Variants in SLC28A1 observed in about 807,000 individuals in gnomAD.
The protein encoded by SLC28A1 is solute carrier family 28 member 1, also known as sodium/nucleoside cotransporter 1.
Under a neutral mutation model 74.8 loss-of-function variants are expected in SLC28A1, and 64 were observed. The ratio of observed to expected loss-of-function variants is 0.86; its 90% CI spans 0.70 to 1.05. The LOEUF is 1.05. SLC28A1 is among the 50% of genes least tolerant of loss of function. The pLI, the probability that SLC28A1 is intolerant of heterozygous loss-of-function variation, is 0.00. For missense variants in SLC28A1, 828 were observed against 822.8 expected, an observed-to-expected ratio of 1.01 and a Z score of -0.08; for synonymous variants, 359 against 335.0, an observed-to-expected ratio of 1.07 and a Z score of -0.78.
rs375692167 is a variant in SLC28A1, at chr15:84,888,832, G to A, written c.157G>A (p.Glu53Lys). The change falls in exon 4 of 19, where the codon GAG (glutamate) becomes AAG (lysine). Residue 53 changes from glutamate (E) to lysine (K), a missense_variant. Glu to Lys is a moderately conservative substitution (Grantham distance 56). Coordinates refer to ENST00000394573, the MANE Select transcript of SLC28A1 (RefSeq NM_004213.5). Reference protein sequence around the residue: ...SPAEIRSSWSEAAPKPFSRWR... With the variant: ...SPAEIRSSWSKAAPKPFSRWR... The stretch of plus-strand genomic sequence containing the variant: ...CGCAGAGATCAGGAGCAGCTGGAGC[G>A]AGGCGGCGCCGAAGCCCTTCTCCAG... 7 of 1,553,730 alleles carry A rather than the reference G, an allele frequency of 4.5e-6. No homozygotes were observed. The highest frequency in any genetic ancestry group is 1.2e-5 in the South Asian group (1 of 84,156).
At chr15:84,970,852 A>T in the SLC28A1 span, among the ~76,000 whole-genome samples, 2 of 152,114 alleles carry the variant, frequency 1.3e-5, no homozygotes, top group East Asian at 3.9e-4. Context: ...AACAAAAACA[A>T]AAAACAAAAC....
intron 5 of SLC28A1, among the ~76,000 whole-genome samples, chr15:84,891,508 A>G (rs771022994): frequency 4.6e-5 from 7 of 152,226 alleles, no homozygotes; most frequent in Non-Finnish European, 1.0e-4. Flanking sequence ...GAGGCTCCCC[A>G]GGCACACTTG....
At chr15:84,910,374 T>G (rs1222358127) in intron 9 of SLC28A1, among the ~76,000 whole-genome samples, 1 of 152,184 alleles carries the variant, frequency 6.6e-6, no homozygotes, top group Non-Finnish European at 1.5e-5. Context: ...AAGGTCTGCT[T>G]CAGGGTGACC....
intron 16 of SLC28A1, 35 bp from the exon 17 acceptor site, chr15:84,944,531 C>T: frequency 6.8e-7 from 1 of 1,476,148 alleles, no homozygotes; most frequent in Non-Finnish European, 9.5e-7. Flanking sequence ...AGGGACACAG[C>T]TTCCCAGGCC....
chr15:84,894,372 CAA>C (rs11408601), intron 5 of SLC28A1, among the ~76,000 whole-genome samples: 11 of 134,276 alleles, frequency 8.2e-5, no homozygotes, highest in Admixed American at 1.5e-4. Flanking sequence ...ACCCTATCTC[CAA>C]AAAAAAAAAA....
chr15:84,892,583 C>G (rs967478828), intron 5 of SLC28A1, among the ~76,000 whole-genome samples: 2 of 152,268 alleles, frequency 1.3e-5, no homozygotes, highest in African/African-American at 4.8e-5. Context: ...TTGAATGATC[C>G]CTTGCAATGG....
the SLC28A1 span, among the ~76,000 whole-genome samples, chr15:84,957,347 AC>A: frequency 6.6e-6 from 1 of 152,166 alleles, no homozygotes; most frequent in Non-Finnish European, 1.5e-5. Flanking sequence ...ACTCACTGCA[AC>A]CTCTGCCTCC....
downstream of SLC28A1, among the ~76,000 whole-genome samples, chr15:84,946,353 C>T (rs2079230997): frequency 6.6e-6 from 1 of 151,802 alleles, no homozygotes; most frequent in African/African-American, 2.4e-5. Flanking sequence ...CTCTAGGCAA[C>T]TGTAATGTTA....
intron 7 of SLC28A1, 29 bp from the exon 8 acceptor site, chr15:84,905,510 A>G: frequency 6.7e-7 from 1 of 1,501,332 alleles, no homozygotes; most frequent in Non-Finnish European, 9.3e-7. Context: ...AAGGAACTGA[A>G]CTCAGCTTTC....
intron 12 of SLC28A1, among the ~76,000 whole-genome samples, chr15:84,926,711 G>C (rs111563411): frequency 0.012 from 1,667 of 143,518 alleles, 43 homozygotes; most frequent in African/African-American, 0.042. Flanking sequence ...GAGGTGGCCT[G>C]TATGTGCTGA....
At chr15:84,918,729 A>G (rs907393620) in intron 10 of SLC28A1, 125 bp downstream of exon 10, 1 of 784,642 alleles carries the variant, frequency 1.3e-6, no homozygotes. Flanking sequence ...CCAAGCCCAC[A>G]CCCTTCCAGA....
rs73437984 is a variant in SLC28A1, at chr15:84,886,547, C to T, written c.-132-125C>T. The T allele has an allele frequency of 3.7e-3, 3,661 of 985,548 alleles. 93 individuals carry two copies. The African/African-American group carries it at 0.052, about 14-fold the overall frequency. The allele number at this position is 985,548 out of a possible 1,614,324, so 61.1% of individuals were successfully genotyped here. On this transcript the variant is annotated intron_variant, in intron 1 of 18. Coordinates refer to ENST00000394573, the MANE Select transcript of SLC28A1 (RefSeq NM_004213.5). Reference sequence around the variant, plus strand: ...TGCAGGGAGCCAGGTTGCAAGTGGGCCTGCTTCCTGTATCCCTGAGACCGT... The same window carrying T: ...TGCAGGGAGCCAGGTTGCAAGTGGGTCTGCTTCCTGTATCCCTGAGACCGT...
the SLC28A1 span, among the ~76,000 whole-genome samples, chr15:84,954,491 C>A: frequency 1.3e-5 from 2 of 152,160 alleles, no homozygotes; most frequent in Admixed American, 6.5e-5. Flanking sequence ...TATTGTGAGA[C>A]AAGTTATTTG....
chr15:84,929,269 G>A (rs1253279838), intron 12 of SLC28A1, among the ~76,000 whole-genome samples: 1 of 152,082 alleles, frequency 6.6e-6, no homozygotes, highest in African/African-American at 2.4e-5. Flanking sequence ...CTATGGCCGG[G>A]CGCGGTGGCT....
intron 6 of SLC28A1, among the ~76,000 whole-genome samples, chr15:84,899,940 AAAGGAAGGAAGGAAGGAAGGAAGGAAAG>A (rs1966442282): frequency 7.3e-6 from 1 of 136,816 alleles, no homozygotes; most frequent in Non-Finnish European, 1.6e-5. Context: ...AGAAAGAAAG[AAAGGAAGGAAGGAAGGAAGGAAGGAAAG>A]AAGGAAGGAA....
chr15:84,929,040 G>C (rs931529288), intron 12 of SLC28A1, among the ~76,000 whole-genome samples: 7 of 152,230 alleles, frequency 4.6e-5, no homozygotes, highest in Non-Finnish European at 8.8e-5. Flanking sequence ...CAGTACAGTA[G>C]CCACCAAACA....
chr15:84,973,273 G>C, the SLC28A1 span, among the ~76,000 whole-genome samples: 5 of 151,942 alleles, frequency 3.3e-5, no homozygotes, highest in African/African-American at 1.2e-4. Flanking sequence ...TATCCCCCTA[G>C]TCCAGGCGGG....
At chr15:84,884,871 G>A (rs1964397060) in intron 1 of SLC28A1, 120 bp downstream of exon 1, 1 of 336,352 alleles carries the variant, frequency 3.0e-6, no homozygotes, top group Non-Finnish European at 4.2e-6. Context: ...CTAGGGCTTG[G>A]CGAAGACCCC....
At chr15:84,965,903 A>AGGGGGGGGGGGG in the SLC28A1 span, among the ~76,000 whole-genome samples, 2 of 117,756 alleles carry the variant, frequency 1.7e-5, no homozygotes, top group African/African-American at 6.7e-5. Flanking sequence ...GGAGGCGGGG[A>AGGGGGGGGGGGG]GGGGGGGGAA....
Sources: allele counts gnomAD v4.1 joint callset (sites outside exome capture counted in the v4.1 genomes callset), GRCh38; gene constraint gnomAD v4.1.1; transcripts MANE v1.5; gene names NCBI Gene and HGNC (gene_info 2026-07-23, HGNC 2026-07-21).